SNTG1: variants seen among roughly 807,000 people sequenced by gnomAD.
SNTG1 encodes syntrophin gamma 1, also known as gamma-1-syntrophin.
SNTG1 carries 39 observed loss-of-function variants against 74.7 expected under a neutral mutation model. The ratio of observed to expected loss-of-function variants is 0.52; its 90% confidence interval spans 0.40 to 0.68. SNTG1 has a LOEUF of 0.68. Ranked by LOEUF, SNTG1 falls within the 30% of genes least tolerant of loss-of-function variation. SNTG1 has a pLI of 0.00. For missense variants in SNTG1, 685 were observed against 609.5 expected (o/e 1.12, Z -1.30); for synonymous variants, 254 against 217.1 (o/e 1.17, Z -1.49).
intron 1 of SNTG1, among the ~76,000 whole-genome samples, chr8:50,012,809 A>G (rs1172566486): frequency 6.6e-6 from 1 of 152,016 alleles, no homozygotes; most frequent in Non-Finnish European, 1.5e-5. Flanking sequence ...GATGGACTAG[A>G]TTGAGTAATT....
At chr8:50,704,796 CATGA>C (rs764307548) in intron 16 of SNTG1, 44 bp downstream of exon 16, 1 of 1,600,454 alleles carries the variant, frequency 6.2e-7, no homozygotes, top group South Asian at 1.1e-5. Context: ...CCCTCAGATG[CATGA>C]CCACTTCCCT....
intron 2 of SNTG1, among the ~76,000 whole-genome samples, chr8:50,184,841 TA>T (rs1161085940): frequency 6.6e-6 from 1 of 152,224 alleles, no homozygotes; most frequent in Non-Finnish European, 1.5e-5. Flanking sequence ...CCTAGTTCAG[TA>T]TTAAATATCC....
intron 17 of SNTG1, among the ~76,000 whole-genome samples, chr8:50,748,368 C>T (rs1410138594): frequency 6.6e-6 from 1 of 151,948 alleles, no homozygotes; most frequent in African/African-American, 2.4e-5. Flanking sequence ...AGGGGTACTA[C>T]TTTCTCATTA....
At chr8:50,160,262 C>T (rs532161387) in intron 1 of SNTG1, among the ~76,000 whole-genome samples, 119 of 152,158 alleles carry the variant, frequency 7.8e-4, no homozygotes, top group Non-Finnish European at 1.5e-3. Flanking sequence ...GACACATAAA[C>T]GTTGTTACAG....
intron 8 of SNTG1, among the ~76,000 whole-genome samples, chr8:50,453,708 A>G (rs1194466706): frequency 6.6e-6 from 1 of 152,230 alleles, no homozygotes; most frequent in Non-Finnish European, 1.5e-5. Flanking sequence ...TTGGTAATAC[A>G]TTATTTTGAT....
At position 50,454,829 on chromosome 8, in the gene SNTG1, T is replaced by TAAAAA. The variant is rs1158732952; in HGVS notation, c.363+4118_363+4122dup. Among the ~76,000 whole-genome samples, 45 of 95,136 alleles carry TAAAAA rather than the reference T, an allele frequency of 4.7e-4. 2 individuals are homozygous for TAAAAA. Among genetic ancestry groups the TAAAAA allele is most frequent in the Non-Finnish European group, 3.6e-4 (19 of 52,282 alleles). 62.4% of individuals were successfully genotyped at this position (95,136 alleles called of 152,430 possible). ...TGCACTCCAGCCTGTCAGACAGAGC[T>TAAAAA]AAAAAAAAAAAAAAAAAAAAAAGAA... On this transcript the variant is annotated intron_variant, in intron 8 of 18. Coordinates refer to ENST00000642720, the MANE Select transcript of SNTG1 (RefSeq NM_018967.5).
intron 4 of SNTG1, among the ~76,000 whole-genome samples, chr8:50,408,029 GA>G (rs1406980609): frequency 6.6e-6 from 1 of 152,268 alleles, no homozygotes; most frequent in South Asian, 2.1e-4. Flanking sequence ...GGCAACTGGG[GA>G]AGTTACAAAT....
chr8:50,677,641 C>T (rs1229991377), intron 15 of SNTG1, among the ~76,000 whole-genome samples: 1 of 151,884 alleles, frequency 6.6e-6, no homozygotes, highest in Non-Finnish European at 1.5e-5. Flanking sequence ...GATTGTAAAA[C>T]TGTTTGACCT....
chr8:50,572,043 G>A (rs754487404), intron 12 of SNTG1, among the ~76,000 whole-genome samples: 2 of 151,834 alleles, frequency 1.3e-5, no homozygotes, highest in Non-Finnish European at 2.9e-5. Flanking sequence ...ATATACCAAT[G>A]GTAAAACTAT....
chr8:50,725,652 G>A (rs2095498354), intron 17 of SNTG1, among the ~76,000 whole-genome samples: 1 of 152,138 alleles, frequency 6.6e-6, no homozygotes, highest in Non-Finnish European at 1.5e-5. Context: ...TGATGCCAGA[G>A]GACAGGTTGC....
intron 1 of SNTG1, among the ~76,000 whole-genome samples, chr8:49,921,657 T>C (rs543969777): frequency 1.3e-5 from 2 of 152,246 alleles, no homozygotes; most frequent in African/African-American, 2.4e-5. Context: ...TTGCATTTGA[T>C]CAGATCAGGT....
intron 1 of SNTG1, among the ~76,000 whole-genome samples, chr8:49,997,310 T>G (rs1814319675): frequency 6.6e-6 from 1 of 152,184 alleles, no homozygotes; most frequent in Admixed American, 6.6e-5. Context: ...CTTTCCTTTT[T>G]CTATTATATC....
At chr8:50,071,534 A>C (rs1821369181) in intron 1 of SNTG1, among the ~76,000 whole-genome samples, 3 of 151,990 alleles carry the variant, frequency 2.0e-5, no homozygotes, top group Admixed American at 2.0e-4. Flanking sequence ...GCTGGAGTGC[A>C]ATGGCGCAAT....
chr8:50,553,386 G>A (rs886782702), intron 12 of SNTG1, among the ~76,000 whole-genome samples: 15 of 152,090 alleles, frequency 9.9e-5, no homozygotes, highest in Non-Finnish European at 1.8e-4. Context: ...CCATTAACAA[G>A]CATTATAAAC....
At chr8:50,539,315 C>G (rs542982330) in intron 11 of SNTG1, among the ~76,000 whole-genome samples, 11 of 152,026 alleles carry the variant, frequency 7.2e-5, no homozygotes, top group East Asian at 3.9e-4. Context: ...TGTTGTTGTT[C>G]TTGTTCTTGT....
intron 13 of SNTG1, among the ~76,000 whole-genome samples, chr8:50,605,588 C>T (rs375583221): frequency 1.3e-5 from 2 of 151,532 alleles, no homozygotes; most frequent in Admixed American, 6.6e-5. Context: ...CAGATTCTCT[C>T]TTCACACCAT....
chr8:50,767,259 C>T (rs1339818104), intron 18 of SNTG1, among the ~76,000 whole-genome samples: 1 of 151,860 alleles, frequency 6.6e-6, no homozygotes, highest in African/African-American at 2.4e-5. Flanking sequence ...TTGCATGAGC[C>T]ACCATATGTA....
intron 2 of SNTG1, among the ~76,000 whole-genome samples, chr8:50,297,220 A>G (rs1020756183): frequency 3.3e-5 from 5 of 152,196 alleles, no homozygotes; most frequent in Admixed American, 1.3e-4. Context: ...AGTGGATGCC[A>G]GAAAGCATAG....
chr8:50,038,748 C>A (rs1818370718), intron 1 of SNTG1, among the ~76,000 whole-genome samples: 1 of 152,180 alleles, frequency 6.6e-6, no homozygotes, highest in South Asian at 2.1e-4. Context: ...TGAGTCAGAT[C>A]TACTGACACA....
Sources: gnomAD v4.1 joint callset for allele counts (sites outside exome capture counted in the v4.1 genomes callset) on GRCh38, gnomAD v4.1.1 for gene constraint, MANE v1.5 for transcripts, NCBI Gene and HGNC (gene_info 2026-07-23, HGNC 2026-07-21) for gene names.